Variants in ACYP2 observed in about 807,000 individuals in gnomAD.
ACYP2 encodes acylphosphatase-2.
A neutral mutation model predicts 11.2 loss-of-function variants in ACYP2; 12 were observed. That is an observed-to-expected ratio of 1.08 (90% confidence interval 0.69 to 1.74). The LOEUF (loss-of-function observed/expected upper bound fraction) is 1.74. Among genes scored for constraint, ACYP2 ranks in the 40% most tolerant of loss-of-function variants. ACYP2 has a pLI of 0.00. For missense variants in ACYP2, 134 were observed against 101.9 expected (o/e 1.31, Z -1.35); for synonymous variants, 43 against 32.2 (o/e 1.33, Z -1.13).
At chr2:54,018,425 A>G (rs1673813377) in intron 2 of ACYP2, among the ~76,000 whole-genome samples, 1 of 152,150 alleles carries the variant, frequency 6.6e-6, no homozygotes, top group South Asian at 2.1e-4. Flanking sequence ...GTGCTTTCTG[A>G]TGTCTTTTTT....
At chr2:54,255,295 C>G in intron 6 of ACYP2, 1 of 1,614,168 alleles carries the variant, frequency 6.2e-7, no homozygotes, top group South Asian at 1.1e-5. Flanking sequence ...CCTAGGGTGT[C>G]TGAGCTCCTT....
chr2:54,026,880 A>G lies in ACYP2; in HGVS notation c.63-24078A>G, dbSNP rs139555020. On this transcript the variant is annotated intron_variant, in intron 2 of 6. Coordinates refer to ENST00000607452, the MANE Select transcript of ACYP2 (RefSeq NM_001320586.2). ...ATAAGGATGCAAAGGCATAAGAATG[A>G]TACAATGGACTTTAGGGACTTGGGG... 8.4e-3 allele frequency among the ~76,000 whole-genome samples: 1,269 copies of G among 151,780 alleles called. 25 individuals are homozygous for G. Among genetic ancestry groups the G allele is most frequent in the African/African-American group, 0.03 (1,226 of 41,446 alleles).
At chr2:54,037,752 T>A (rs573811068) in intron 2 of ACYP2, among the ~76,000 whole-genome samples, 1 of 152,282 alleles carries the variant, frequency 6.6e-6, no homozygotes, top group South Asian at 2.1e-4. Flanking sequence ...ATAAAATATA[T>A]AGTAAAATCG....
chr2:54,026,377 A>G (rs1255708736), intron 2 of ACYP2, among the ~76,000 whole-genome samples: 4 of 152,022 alleles, frequency 2.6e-5, no homozygotes, highest in African/African-American at 9.7e-5. Context: ...GATACCAGCA[A>G]CAATAACCAT....
chr2:54,125,398 G>A (rs1680430501), intron 4 of ACYP2, among the ~76,000 whole-genome samples: 2 of 152,142 alleles, frequency 1.3e-5, no homozygotes, highest in African/African-American at 4.8e-5. Flanking sequence ...TCACAGTTCT[G>A]AAAGATCAAA....
chr2:53,985,134 A>G (rs545964166), intron 2 of ACYP2, among the ~76,000 whole-genome samples: 2 of 150,634 alleles, frequency 1.3e-5, no homozygotes, highest in South Asian at 4.2e-4. Flanking sequence ...CAGTGGCGCA[A>G]TTTCCGCTCA....
chr2:54,261,513 A>C (rs759371961), intron 6 of ACYP2, among the ~76,000 whole-genome samples: 4 of 152,190 alleles, frequency 2.6e-5, no homozygotes, highest in Non-Finnish European at 5.9e-5. Flanking sequence ...AAGTGTTTAA[A>C]TTCTCTGGGA....
intron 4 of ACYP2, among the ~76,000 whole-genome samples, chr2:54,105,584 A>T (rs1249814534): frequency 6.6e-6 from 1 of 151,980 alleles, no homozygotes; most frequent in East Asian, 1.9e-4. Context: ...CTCCCACCTC[A>T]GCCTCCCAAG....
intron 2 of ACYP2, among the ~76,000 whole-genome samples, chr2:53,983,816 A>G: frequency 6.6e-6 from 1 of 152,212 alleles, no homozygotes; most frequent in Non-Finnish European, 1.5e-5. Context: ...CAGCAGAAGC[A>G]TCGGTTTGTA....
chr2:54,094,883 T>G (rs1452118565), intron 4 of ACYP2, among the ~76,000 whole-genome samples: 3 of 152,174 alleles, frequency 2.0e-5, no homozygotes, highest in Non-Finnish European at 1.5e-5. Context: ...TCTGTTTTTT[T>G]TTAAACTTCC....
chr2:54,135,896 A>G (rs180956219), intron 5 of ACYP2, among the ~76,000 whole-genome samples: 230 of 152,238 alleles, frequency 1.5e-3, no homozygotes, highest in African/African-American at 5.3e-3. Flanking sequence ...TCGTGTTTTA[A>G]AATTTATTTA....
chr2:54,218,095 C>A (rs982404686), intron 6 of ACYP2, among the ~76,000 whole-genome samples: 1 of 152,294 alleles, frequency 6.6e-6, no homozygotes, highest in Non-Finnish European at 1.5e-5. Context: ...ACCCAGTTTT[C>A]AAGTTCCTTC....
At chr2:54,124,427 C>T (rs1291290026) in intron 4 of ACYP2, among the ~76,000 whole-genome samples, 4 of 152,082 alleles carry the variant, frequency 2.6e-5, no homozygotes, top group Non-Finnish European at 5.9e-5. Context: ...AACTCCCGAT[C>T]TCAGGTGATC....
intron 3 of ACYP2, among the ~76,000 whole-genome samples, chr2:54,055,557 TTTACAAA>T (rs1233639699): frequency 6.6e-6 from 1 of 152,202 alleles, no homozygotes; most frequent in East Asian, 1.9e-4. Flanking sequence ...ATTTTCCTAT[TTTACAAA>T]TAGAAAATAG....
chr2:54,189,686 T>C (rs748856031), intron 6 of ACYP2, among the ~76,000 whole-genome samples: 3 of 152,216 alleles, frequency 2.0e-5, no homozygotes, highest in Non-Finnish European at 2.9e-5. Context: ...CAGATATCTT[T>C]ACAAGGTGGC....
rs1672586471 is a variant in ACYP2 at position 53,996,601 on chromosome 2, G to T, written c.62+22791G>T. Among the ~76,000 whole-genome samples, 2 of 152,162 alleles carry T rather than the reference G, an allele frequency of 1.3e-5. 1 individual carries two copies. The highest frequency in any genetic ancestry group is 4.1e-4 in the South Asian group (2 of 4,828). On this transcript the variant is annotated intron_variant, in intron 2 of 6. Transcript: ENST00000607452. ...ATCAGCCACTGGTATGGGCTGCCTGGGAAGATCATAACCTCAGCTTGCTGT... is the reference window on the plus strand; with the variant it reads ...ATCAGCCACTGGTATGGGCTGCCTGTGAAGATCATAACCTCAGCTTGCTGT...
At position 54,117,524 on chromosome 2, in the gene ACYP2, T is replaced by A. The variant is rs563303081; in HGVS notation, c.278-17929T>A. Among the ~76,000 whole-genome samples the A allele has an allele frequency of 2.4e-4, 36 of 152,286 alleles. No homozygotes were observed. In the South Asian group the frequency reaches 3.3e-3, roughly 14 times the overall value. On this transcript the variant is annotated intron_variant, in intron 4 of 6. Transcript: ENST00000607452. ...CCCAGGCAAGTCTCGAAATCCTGGC[T>A]TCAAGGGATCCTCCTGCACTTCGCC...
intron 4 of ACYP2, among the ~76,000 whole-genome samples, chr2:54,109,620 G>A (rs756261902): frequency 6.6e-6 from 1 of 152,088 alleles, no homozygotes; most frequent in Non-Finnish European, 1.5e-5. Flanking sequence ...TGGTGAATCT[G>A]CTCATGCACC....
At chr2:54,274,447 C>T (rs1428526303) in intron 6 of ACYP2, among the ~76,000 whole-genome samples, 1 of 151,708 alleles carries the variant, frequency 6.6e-6, no homozygotes, top group African/African-American at 2.4e-5. Flanking sequence ...TTAAGACCAG[C>T]CTGGGCAACA....
Sources: allele counts gnomAD v4.1 joint callset (sites outside exome capture counted in the v4.1 genomes callset), GRCh38; gene constraint gnomAD v4.1.1; transcripts MANE v1.5; gene names NCBI Gene and HGNC (gene_info 2026-07-23, HGNC 2026-07-21).